The following ARL6IP6 variants were observed in gnomAD, a reference collection of about 807,000 sequenced individuals.
ARL6IP6 encodes ADP-ribosylation factor-like protein 6-interacting protein 6.
ARL6IP6 carries 22 observed loss-of-function variants against 21.5 expected under a neutral mutation model. The ratio of observed to expected loss-of-function variants is 1.02; its 90% CI spans 0.73 to 1.46. ARL6IP6 has a LOEUF of 1.46. ARL6IP6 is among the 40% of genes most tolerant of loss of function. The pLI, the probability that ARL6IP6 is intolerant of heterozygous loss-of-function variation, is 0.00. For synonymous variants in ARL6IP6, 164 were observed against 125.3 expected (o/e 1.31, Z -2.06); for missense variants, 388 against 299.8 (o/e 1.29, Z -2.17).
At position 152,760,075 on chromosome 2, in the gene ARL6IP6, G is replaced by A. The variant is rs992510279; in HGVS notation, c.*235G>A. On this transcript the variant is annotated 3_prime_UTR_variant, in exon 4 of 4. Coordinates refer to ENST00000326446, the MANE Select transcript of ARL6IP6 (RefSeq NM_152522.7). ...CTGAGTATTAAGTACTTTCTTCAGAGTATAAGATGTTTACCTCATCTTTTT... is the reference window on the plus strand; with the variant it reads ...CTGAGTATTAAGTACTTTCTTCAGAATATAAGATGTTTACCTCATCTTTTT... 1.6e-5 allele frequency: 6 copies of A among 366,732 alleles called. No homozygotes were observed. Among genetic ancestry groups the A allele is most frequent in the African/African-American group, 1.2e-4 (6 of 48,114 alleles). The allele number at this position is 366,732 out of a possible 1,614,324, so 22.7% of individuals were successfully genotyped here.
intron 2 of ARL6IP6, among the ~76,000 whole-genome samples, chr2:152,731,842 A>G (rs904226959): frequency 5.3e-5 from 8 of 152,162 alleles, no homozygotes; most frequent in Admixed American, 5.2e-4. Context: ...ACATATGTAT[A>G]TATGTATGTG....
intron 3 of ARL6IP6, among the ~76,000 whole-genome samples, chr2:152,746,456 TTTTG>T (rs1701051534): frequency 6.6e-6 from 1 of 152,188 alleles, no homozygotes; most frequent in Non-Finnish European, 1.5e-5. Context: ...TTGGAACCCT[TTTTG>T]TTTGTTTAAC....
At chr2:152,724,081 GTAT>G (rs1699919189) in intron 2 of ARL6IP6, among the ~76,000 whole-genome samples, 1 of 132,472 alleles carries the variant, frequency 7.5e-6, no homozygotes, top group South Asian at 2.5e-4. Context: ...TTACCTATTT[GTAT>G]TATTCAAGAA....
At chr2:152,717,844 G>T (rs1573990516), upstream of ARL6IP6, 1 of 1,104,580 alleles carries the variant, frequency 9.1e-7, no homozygotes, top group East Asian at 7.7e-5. Flanking sequence ...AGGCCGCCAG[G>T]GGTAGGGTGG....
chr2:152,747,758 A>G (rs1352965402), intron 3 of ARL6IP6, among the ~76,000 whole-genome samples: 1 of 152,110 alleles, frequency 6.6e-6, no homozygotes, highest in Non-Finnish European at 1.5e-5. Context: ...TTTAGTAGAG[A>G]TGGGGTTTCA....
chr2:152,752,061 A>G (rs1386723913), intron 3 of ARL6IP6, among the ~76,000 whole-genome samples: 1 of 152,248 alleles, frequency 6.6e-6, no homozygotes, highest in African/African-American at 2.4e-5. Context: ...ATTACGTAAT[A>G]AAGGTAAGTT....
At chr2:152,738,796 C>T (rs1700667461) in intron 3 of ARL6IP6, among the ~76,000 whole-genome samples, 1 of 152,136 alleles carries the variant, frequency 6.6e-6, no homozygotes, top group Non-Finnish European at 1.5e-5. Context: ...ATTGTCTTGG[C>T]AATTAACATT....
At position 152,761,079 on chromosome 2, in the gene ARL6IP6, ACTG is replaced by A. The variant is rs1360278788; in HGVS notation, c.*1242_*1244del. Reference sequence around the variant, plus strand: ...CAATAAGAAACCATTAAGTAGTCAAACTGCTTATTCAGGCTAAGTGGGAAATGA... The same window carrying A: ...CAATAAGAAACCATTAAGTAGTCAAACTTATTCAGGCTAAGTGGGAAATGA... On this transcript the variant is annotated 3_prime_UTR_variant, in exon 4 of 4. Transcript: ENST00000326446. The A allele has an allele frequency of 6.6e-6, 1 of 152,226 alleles. No individual in the cohort carries two copies. Among genetic ancestry groups the A allele is most frequent in the Non-Finnish European group, 1.5e-5 (1 of 68,034 alleles). The allele number at this position is 152,226 out of a possible 1,614,324, so 9.4% of individuals were successfully genotyped here. A position where few individuals can be genotyped will look rare whatever the true frequency, so the allele number is the denominator to read the frequency against.
At chr2:152,758,410 ATATTT>A (rs1018531217) in intron 3 of ARL6IP6, among the ~76,000 whole-genome samples, 3 of 152,136 alleles carry the variant, frequency 2.0e-5, no homozygotes, top group African/African-American at 7.2e-5. Context: ...TCGTCACTAA[ATATTT>A]TATGATGAAT....
chr2:152,728,053 A>G (rs1397867007), intron 2 of ARL6IP6, among the ~76,000 whole-genome samples: 1 of 152,212 alleles, frequency 6.6e-6, no homozygotes, highest in Non-Finnish European at 1.5e-5. Context: ...CATTTAAAAT[A>G]CATGTTTTTT....
chr2:152,718,381 C>T (rs769799749), upstream of ARL6IP6: 48 of 451,974 alleles, frequency 1.1e-4, no homozygotes, highest in Admixed American at 2.7e-4. Flanking sequence ...CTTCTCCCTG[C>T]GCGCTTTCCT....
chr2:152,735,974 A>G (rs929639135), intron 3 of ARL6IP6, among the ~76,000 whole-genome samples: 2 of 151,756 alleles, frequency 1.3e-5, no homozygotes, highest in Non-Finnish European at 1.5e-5. Context: ...TTATTAGTAA[A>G]CTCCCAATTT....
At chr2:152,733,537 A>G (rs577425865) in intron 2 of ARL6IP6, among the ~76,000 whole-genome samples, 1 of 152,332 alleles carries the variant, frequency 6.6e-6, no homozygotes, top group African/African-American at 2.4e-5. Flanking sequence ...TGCTGGGATT[A>G]CTGGCATGAG....
At chr2:152,718,418 G>A (rs1282516491), upstream of ARL6IP6, 1 of 618,178 alleles carries the variant, frequency 1.6e-6, no homozygotes. Context: ...ACAGCCCTGG[G>A]GTCGAGCTCT....
intron 2 of ARL6IP6, among the ~76,000 whole-genome samples, chr2:152,729,737 A>G (rs752979084): frequency 1.3e-5 from 2 of 152,322 alleles, no homozygotes; most frequent in East Asian, 1.9e-4. Flanking sequence ...CTAGCTTTAT[A>G]TATGTACCTG....
chr2:152,718,255 G>A (rs901438848), upstream of ARL6IP6: 21 of 287,160 alleles, frequency 7.3e-5, no homozygotes, highest in Middle Eastern at 1.4e-3. Context: ...GAAAAGATGA[G>A]GCTTTGGGGC....
rs569395528 is a variant in ARL6IP6 at position 152,760,109 on chromosome 2, G to T, written c.*269G>T. On this transcript the variant is annotated 3_prime_UTR_variant, in exon 4 of 4. Coordinates refer to ENST00000326446, the MANE Select transcript of ARL6IP6 (RefSeq NM_152522.7). ...GTTTACCTCATCTTTTTACTTTTGT[G>T]TGTGTAGTTCTTTCAAGTTGTAGGA... The T allele has an allele frequency of 3.7e-6, 1 of 271,348 alleles. No homozygotes were observed. Among genetic ancestry groups the T allele is most frequent in the Non-Finnish European group, 7.0e-6 (1 of 143,386 alleles). 16.8% of individuals were successfully genotyped at this position (271,348 alleles called of 1,614,324 possible).
In ARL6IP6 at chr2:152,745,047, A is replaced by G. The variant is rs2105158790; in HGVS notation, c.587+9921A>G. On this transcript the variant is annotated intron_variant, in intron 3 of 3. Transcript: ENST00000326446. ...TTAGATGCTAACATTTGTGTGTGAGAGTGTGTTGTTAACTGTAGTAGGGAG... is the reference window on the plus strand; with the variant it reads ...TTAGATGCTAACATTTGTGTGTGAGGGTGTGTTGTTAACTGTAGTAGGGAG... Among the ~76,000 whole-genome samples the G allele has an allele frequency of 1.3e-5, 2 of 152,224 alleles. 1 individual carries two copies. The highest frequency in any genetic ancestry group is 4.1e-4 in the South Asian group (2 of 4,824).
intron 3 of ARL6IP6, among the ~76,000 whole-genome samples, chr2:152,757,200 C>T (rs767614174): frequency 6.6e-6 from 1 of 152,018 alleles, no homozygotes; most frequent in Admixed American, 6.6e-5. Flanking sequence ...TGGTGACAGC[C>T]CTCAGTATTG....
Sources: allele counts gnomAD v4.1 joint callset (sites outside exome capture counted in the v4.1 genomes callset), GRCh38; gene constraint gnomAD v4.1.1; transcripts MANE v1.5; gene names NCBI Gene and HGNC (gene_info 2026-07-23, HGNC 2026-07-21).